The following EHBP1 variants were observed in gnomAD, a reference collection of about 807,000 sequenced individuals.
EHBP1 encodes EH domain binding protein 1.
Under a neutral mutation model 144.0 loss-of-function variants are expected in EHBP1, and 55 were observed. The ratio of observed to expected loss-of-function variants is 0.38; its 90% CI spans 0.31 to 0.48. EHBP1 has a LOEUF of 0.48. EHBP1 is among the 20% of genes least tolerant of loss of function. The probability of loss-of-function intolerance (pLI) is 0.98; values close to 1 mark genes in which losing one functional copy is unlikely to be tolerated. For missense variants in EHBP1, 1,200 were observed against 1,364.2 expected (o/e 0.88, Z 1.90); for synonymous variants, 469 against 472.7 (o/e 0.99, Z 0.10).
intron 5 of EHBP1, among the ~76,000 whole-genome samples, chr2:62,783,012 G>A (rs1250134721): frequency 3.3e-5 from 5 of 152,138 alleles, no homozygotes; most frequent in East Asian, 1.9e-4. Context: ...GGGTGTGGGC[G>A]TTGGGTAAAT....
intron 3 of EHBP1, among the ~76,000 whole-genome samples, chr2:62,748,197 A>G (rs2039334689): frequency 6.6e-6 from 1 of 152,158 alleles, no homozygotes; most frequent in African/African-American, 2.4e-5. Context: ...TGACGAAGTT[A>G]GGGCACACTT....
At chr2:62,699,736 T>A (rs907009315) in intron 1 of EHBP1, among the ~76,000 whole-genome samples, 1 of 152,258 alleles carries the variant, frequency 6.6e-6, no homozygotes, top group Non-Finnish European at 1.5e-5. Flanking sequence ...TTGAATATCA[T>A]TGTTGCCTGC....
Position 62,818,049 on chromosome 2 carries a change from G to A in EHBP1, c.313-8038G>A, listed in dbSNP as rs547304638. ...TACACAGCAGTTAAATATTTTTTAA[G>A]TACCCCTGGAACATTTGTGAAAAAT... On this transcript the variant is annotated intron_variant, in intron 5 of 22. Transcript: ENST00000431489. 4.6e-5 allele frequency among the ~76,000 whole-genome samples: 7 copies of A among 151,810 alleles called. No homozygotes were observed. The South Asian group carries it at 1.5e-3, about 32-fold the overall frequency.
At chr2:62,899,699 A>G (rs1281186037) in intron 10 of EHBP1, among the ~76,000 whole-genome samples, 2 of 152,230 alleles carry the variant, frequency 1.3e-5, no homozygotes, top group Non-Finnish European at 2.9e-5. Context: ...CCTAACTGCT[A>G]AATCATGAAA....
upstream of EHBP1, among the ~76,000 whole-genome samples, chr2:62,701,288 C>A (rs534934834): frequency 6.6e-6 from 1 of 152,096 alleles, no homozygotes; most frequent in East Asian, 1.9e-4. Context: ...CCAATATAGC[C>A]AAAATATTAT....
chr2:62,957,200 C>T (rs1255653660), intron 14 of EHBP1, among the ~76,000 whole-genome samples: 2 of 152,076 alleles, frequency 1.3e-5, no homozygotes, highest in East Asian at 3.9e-4. Context: ...TTTTTCAAAA[C>T]TCAAGCAATG....
intron 1 of EHBP1, among the ~76,000 whole-genome samples, chr2:62,679,323 A>G (rs930621417): frequency 1.3e-5 from 2 of 152,226 alleles, no homozygotes; most frequent in African/African-American, 2.4e-5. Context: ...TGACAATACC[A>G]TAGCCTCTCC....
intron 3 of EHBP1, among the ~76,000 whole-genome samples, chr2:62,762,674 A>G (rs1488056813): frequency 1.3e-5 from 2 of 152,152 alleles, no homozygotes; most frequent in Non-Finnish European, 2.9e-5. Flanking sequence ...AAAATATAAA[A>G]AGATACCCAG....
intron 12 of EHBP1, among the ~76,000 whole-genome samples, chr2:62,946,091 A>G (rs990506179): frequency 6.6e-6 from 1 of 152,236 alleles, no homozygotes; most frequent in Non-Finnish European, 1.5e-5. Context: ...CAATTTAAAT[A>G]CAGACATGAG....
At chr2:62,990,869 C>T (rs748372163) in intron 16 of EHBP1, 29 bp downstream of exon 16, 1 of 1,583,510 alleles carries the variant, frequency 6.3e-7, no homozygotes, top group South Asian at 1.2e-5. Context: ...AAACATTTGG[C>T]TTAGTATCTG....
chr2:62,975,323 T>C (rs1379280484), intron 14 of EHBP1, among the ~76,000 whole-genome samples: 39 of 152,214 alleles, frequency 2.6e-4, no homozygotes, highest in Admixed American at 2.5e-3. Flanking sequence ...ATTCTATTTC[T>C]TACATACAAG....
At chr2:62,876,292 C>G (rs1422418211) in intron 10 of EHBP1, among the ~76,000 whole-genome samples, 8 of 152,122 alleles carry the variant, frequency 5.3e-5, no homozygotes, top group Non-Finnish European at 1.2e-4. Context: ...CAACAGAAAC[C>G]CTACAAGCCA....
chr2:62,835,237 T>C (rs1453400958), intron 7 of EHBP1, among the ~76,000 whole-genome samples: 1 of 152,196 alleles, frequency 6.6e-6, no homozygotes, highest in Non-Finnish European at 1.5e-5. Context: ...CTTCAACTGA[T>C]ATACTTAAAT....
chr2:62,725,684 GA>G (rs1202712467), intron 2 of EHBP1, among the ~76,000 whole-genome samples: 3 of 152,216 alleles, frequency 2.0e-5, no homozygotes, highest in South Asian at 4.1e-4. Flanking sequence ...GAGGATGGGG[GA>G]TGGACTGCAC....
intron 4 of EHBP1, 95 bp downstream of exon 4, chr2:62,764,456 C>T: frequency 1.1e-6 from 1 of 910,532 alleles, no homozygotes; most frequent in Non-Finnish European, 1.6e-6. Context: ...ACATTTGTGT[C>T]CAGTCTGGTA....
intron 14 of EHBP1, chr2:62,955,970 C>T (rs1019437224): frequency 1.0e-5 from 2 of 200,348 alleles, no homozygotes; most frequent in African/African-American, 2.3e-5. Flanking sequence ...TGTATTTTGT[C>T]AATGGAAGTT....
At chr2:62,994,715 A>AT (rs2059563530) in intron 18 of EHBP1, among the ~76,000 whole-genome samples, 1 of 152,088 alleles carries the variant, frequency 6.6e-6, no homozygotes, top group African/African-American at 2.4e-5. Context: ...AAATAGTTGG[A>AT]TTTTAAAATC....
chr2:62,830,768 C>T (rs540500617), intron 6 of EHBP1, among the ~76,000 whole-genome samples: 1 of 152,254 alleles, frequency 6.6e-6, no homozygotes, highest in South Asian at 2.1e-4. Flanking sequence ...ATTTTTATGG[C>T]TTCAGGTTTA....
rs1354945636 is a variant in EHBP1 at position 62,863,837 on chromosome 2, G to GTTTTTTTT, written c.758-892_758-891insTTTTTTTT. ...ATTTTTTTAAATTTTATTTTTCTGT[G>GTTTTTTTT]TTGTTTTTTTTTTTTTTTTTTTTTT... On this transcript the variant is annotated intron_variant, in intron 8 of 22. Transcript: ENST00000431489. 2.5e-4 allele frequency among the ~76,000 whole-genome samples: 19 copies of GTTTTTTTT among 74,574 alleles called. 4 individuals are homozygous for GTTTTTTTT. The highest frequency in any genetic ancestry group is 3.5e-4 in the Non-Finnish European group (14 of 39,450). The allele number at this position is 74,574 out of a possible 152,430, so 48.9% of individuals were successfully genotyped here.
Sources: allele counts gnomAD v4.1 joint callset (sites outside exome capture counted in the v4.1 genomes callset), GRCh38; gene constraint gnomAD v4.1.1; transcripts MANE v1.5; gene names NCBI Gene and HGNC (gene_info 2026-07-23, HGNC 2026-07-21).